CTNNA3: variants seen among roughly 807,000 people sequenced by gnomAD.
CTNNA3 encodes the protein catenin alpha 3.
CTNNA3 carries 76 observed loss-of-function variants against 95.7 expected under a neutral mutation model. The ratio of observed to expected loss-of-function variants is 0.79; its 90% CI spans 0.66 to 0.96. The LOEUF is 0.96. Among genes scored for constraint, CTNNA3 ranks in the 40% least tolerant of loss-of-function variants. CTNNA3 has a pLI of 0.00. For missense variants in CTNNA3, 1,191 were observed against 1,089.8 expected (o/e 1.09, Z -1.31); for synonymous variants, 431 against 374.4 (o/e 1.15, Z -1.74).
chr10:66,872,582 T>A (rs1227858760), intron 7 of CTNNA3, among the ~76,000 whole-genome samples: 3 of 152,086 alleles, frequency 2.0e-5, no homozygotes, highest in African/African-American at 7.2e-5. Context: ...GGCAGGAGAA[T>A]CACTTAAACC....
At chr10:66,302,078 C>T (rs2091870532) in intron 12 of CTNNA3, among the ~76,000 whole-genome samples, 1 of 151,746 alleles carries the variant, frequency 6.6e-6, no homozygotes. Flanking sequence ...AACATGAGCA[C>T]CAAAAAAGAG....
chr10:66,417,535 G>T (rs536857580), intron 11 of CTNNA3, among the ~76,000 whole-genome samples: 91 of 152,052 alleles, frequency 6.0e-4, no homozygotes, highest in African/African-American at 2.1e-3. Flanking sequence ...AGACCTAACA[G>T]ATATTTATAG....
At chr10:66,173,514 A>T (rs563441054) in intron 13 of CTNNA3, among the ~76,000 whole-genome samples, 1 of 152,130 alleles carries the variant, frequency 6.6e-6, no homozygotes, top group East Asian at 1.9e-4. Flanking sequence ...ATGAGACTCC[A>T]TCTCTACATT....
chr10:66,747,880 C>CA (rs942925117), intron 9 of CTNNA3, among the ~76,000 whole-genome samples: 1 of 152,118 alleles, frequency 6.6e-6, no homozygotes, highest in African/African-American at 2.4e-5. Context: ...AGGTTTATAA[C>CA]AATCATAAAA....
intron 7 of CTNNA3, among the ~76,000 whole-genome samples, chr10:66,899,475 C>T (rs1324920655): frequency 1.3e-5 from 2 of 151,832 alleles, no homozygotes; most frequent in Admixed American, 6.5e-5. Context: ...AACTGAGGTA[C>T]CTAGTTCATC....
At chr10:66,973,836 C>G (rs552711213) in intron 7 of CTNNA3, among the ~76,000 whole-genome samples, 1 of 152,112 alleles carries the variant, frequency 6.6e-6, no homozygotes, top group Non-Finnish European at 1.5e-5. Flanking sequence ...GTTGGCCAGG[C>G]TGGTCTTGAA....
intron 9 of CTNNA3, among the ~76,000 whole-genome samples, chr10:66,658,210 A>G (rs532058458): frequency 8.9e-4 from 130 of 146,568 alleles, no homozygotes; most frequent in Middle Eastern, 3.5e-3. Flanking sequence ...ATGACTAGAA[A>G]ATTCTCTCTC....
intron 1 of CTNNA3, among the ~76,000 whole-genome samples, chr10:67,749,131 T>C (rs1244824249): frequency 6.6e-6 from 1 of 152,116 alleles, no homozygotes; most frequent in African/African-American, 2.4e-5. Flanking sequence ...ACCCTATTTA[T>C]GCATATATTT....
intron 7 of CTNNA3, among the ~76,000 whole-genome samples, chr10:66,964,923 A>T (rs753175995): frequency 1.3e-5 from 2 of 152,250 alleles, no homozygotes; most frequent in Non-Finnish European, 2.9e-5. Context: ...GAAACATTTT[A>T]CACAAAAGTT....
chr10:66,552,018 C>T (rs1311583263), intron 10 of CTNNA3, among the ~76,000 whole-genome samples: 5 of 151,388 alleles, frequency 3.3e-5, no homozygotes, highest in Non-Finnish European at 7.4e-5. Context: ...GTTCTCCTGC[C>T]TCAGCCTTCC....
At chr10:66,042,064 A>T (rs2079702938) in intron 15 of CTNNA3, among the ~76,000 whole-genome samples, 1 of 152,050 alleles carries the variant, frequency 6.6e-6, no homozygotes, top group Non-Finnish European at 1.5e-5. Flanking sequence ...CTTCATCTCT[A>T]CCATGACATG....
intron 13 of CTNNA3, among the ~76,000 whole-genome samples, chr10:66,241,793 G>C (rs976892344): frequency 5.3e-5 from 8 of 151,808 alleles, no homozygotes; most frequent in African/African-American, 1.9e-4. Context: ...AAAAACCTAT[G>C]TAAAATCAAA....
At chr10:66,520,953 T>C (rs1299001014) in intron 10 of CTNNA3, among the ~76,000 whole-genome samples, 180 bp from the exon 11 acceptor site, 2 of 150,838 alleles carry the variant, frequency 1.3e-5, no homozygotes, top group Non-Finnish European at 3.0e-5. Context: ...ATAAAATTAA[T>C]TAAATTATAC....
intron 7 of CTNNA3, among the ~76,000 whole-genome samples, chr10:66,814,512 G>C (rs934636270): frequency 2.6e-5 from 4 of 152,266 alleles, no homozygotes; most frequent in Middle Eastern, 3.4e-3. Flanking sequence ...TGTAATCCCA[G>C]CACTTTGTGA....
At chr10:66,763,495 CAT>C (rs1464454385) in intron 9 of CTNNA3, among the ~76,000 whole-genome samples, 1 of 151,726 alleles carries the variant, frequency 6.6e-6, no homozygotes, top group Non-Finnish European at 1.5e-5. Flanking sequence ...ATTGTTACAT[CAT>C]AGAATTTAAG....
Position 65,973,704 on chromosome 10 carries a change from G to A in CTNNA3, c.2266-6958C>T, listed in dbSNP as rs2078155523. On this transcript the variant is annotated intron_variant, in intron 16 of 17. Transcript: ENST00000433211. ...GGAATATTTACTCACAGTAGGAGAT[G>A]AAGTGGGAACAGGTGCACGACGTGG... Among the ~76,000 whole-genome samples, 6 of 152,126 alleles carry A rather than the reference G, an allele frequency of 3.9e-5. 1 individual carries two copies. The South Asian group carries it at 1.2e-3, about 32-fold the overall frequency.
At chr10:67,216,009 T>A (rs1422387984) in intron 6 of CTNNA3, among the ~76,000 whole-genome samples, 1 of 152,190 alleles carries the variant, frequency 6.6e-6, no homozygotes, top group East Asian at 1.9e-4. Flanking sequence ...ATTTTCTTCA[T>A]CTCTTTTAGT....
In CTNNA3 at chr10:66,950,438, T is replaced by A. The variant is rs76205148; in HGVS notation, c.1048-174914A>T. ...GTTTAATAAATGTCTGTTTAAAGAA[T>A]CATATGTGAATACATGAATGTCACA... On this transcript the variant is annotated intron_variant, in intron 7 of 17. Transcript: ENST00000433211. 5.1e-3 allele frequency among the ~76,000 whole-genome samples: 769 copies of A among 152,224 alleles called. 6 individuals carry two copies. Among genetic ancestry groups the A allele is most frequent in the Non-Finnish European group, 8.3e-3 (565 of 67,996 alleles).
At chr10:67,538,489 G>A (rs904648214) in intron 4 of CTNNA3, among the ~76,000 whole-genome samples, 5 of 151,762 alleles carry the variant, frequency 3.3e-5, no homozygotes, top group African/African-American at 9.7e-5. Flanking sequence ...GGCTAAGGCT[G>A]GAGAATTGCA....
Sources: allele counts gnomAD v4.1 joint callset (sites outside exome capture counted in the v4.1 genomes callset), GRCh38; gene constraint gnomAD v4.1.1; transcripts MANE v1.5; gene names NCBI Gene and HGNC (gene_info 2026-07-23, HGNC 2026-07-21).